Variants in ROBO2 observed in about 807,000 individuals in gnomAD.
ROBO2 encodes roundabout guidance receptor 2.
ROBO2 carries 53 observed loss-of-function variants against 160.8 expected under a neutral mutation model. The observed-to-expected ratio is 0.33, with a 90% CI of 0.26 to 0.41. The LOEUF (loss-of-function observed/expected upper bound fraction) is 0.41, where lower values mean the gene tolerates loss of function less well. Ranked by LOEUF, ROBO2 falls within the 10% of genes least tolerant of loss-of-function variation. The pLI is 1.00. For synonymous variants in ROBO2, 664 were observed against 611.7 expected (o/e 1.09, Z -1.26); for missense variants, 1,577 against 1,722.4 (o/e 0.92, Z 1.49).
intron 1 of ROBO2, among the ~76,000 whole-genome samples, chr3:77,075,672 C>CTTTTTTTTTTTT (rs1174587812): frequency 1.7e-4 from 15 of 87,258 alleles, no homozygotes; most frequent in African/African-American, 2.9e-4. Context: ...TTTCTTTCTC[C>CTTTTTTTTTTTT]TTTTTTTTTT....
chr3:77,589,221 A>AAC (rs3073102), intron 17 of ROBO2, among the ~76,000 whole-genome samples: 63 of 151,462 alleles, frequency 4.2e-4, no homozygotes, highest in South Asian at 1.5e-3. Flanking sequence ...CATAAACTCA[A>AAC]ACACACACAC....
intron 1 of ROBO2, among the ~76,000 whole-genome samples, chr3:77,063,733 A>G (rs1027077935): frequency 5.3e-5 from 8 of 152,188 alleles, no homozygotes; most frequent in East Asian, 1.9e-4. Flanking sequence ...GTTGAATTCA[A>G]TCGAGATGGC....
At chr3:76,508,197 C>A (rs1257589465) in intron 2 of ROBO2, among the ~76,000 whole-genome samples, 1 of 152,076 alleles carries the variant, frequency 6.6e-6, no homozygotes, top group Non-Finnish European at 1.5e-5. Context: ...TTTCTTAAAA[C>A]CTTTAACATG....
intron 2 of ROBO2, among the ~76,000 whole-genome samples, chr3:75,937,761 GA>G (rs1947851749): frequency 1.3e-5 from 2 of 149,788 alleles, no homozygotes; most frequent in African/African-American, 4.9e-5. Flanking sequence ...CAGTTAAATT[GA>G]AATAGAATTA....
intron 2 of ROBO2, among the ~76,000 whole-genome samples, chr3:76,454,990 T>C (rs1192323467): frequency 1.3e-5 from 2 of 152,116 alleles, no homozygotes; most frequent in African/African-American, 4.8e-5. Flanking sequence ...ATATTGCTGA[T>C]TGGTATAAAA....
chr3:76,221,263 G>A (rs187343878), intron 2 of ROBO2, among the ~76,000 whole-genome samples: 5 of 152,232 alleles, frequency 3.3e-5, no homozygotes, highest in Non-Finnish European at 7.4e-5. Context: ...ATGGTGAGTA[G>A]TGCCACTCTC....
At chr3:76,255,458 C>T (rs1315170171) in intron 2 of ROBO2, among the ~76,000 whole-genome samples, 3 of 152,134 alleles carry the variant, frequency 2.0e-5, no homozygotes, top group South Asian at 4.1e-4. Context: ...CCAAGAGCCT[C>T]TTGGGATGAG....
chr3:77,195,593 T>C (rs2082239884), intron 2 of ROBO2, among the ~76,000 whole-genome samples: 1 of 152,206 alleles, frequency 6.6e-6, no homozygotes, highest in African/African-American at 2.4e-5. Flanking sequence ...ACAGCAAACA[T>C]TTTAAATCTG....
At chr3:76,666,051 A>G (rs1036980976) in intron 2 of ROBO2, among the ~76,000 whole-genome samples, 6 of 145,058 alleles carry the variant, frequency 4.1e-5, no homozygotes, top group Non-Finnish European at 4.5e-5. Context: ...TACTAGATAT[A>G]TGCCTCTAAA....
intron 2 of ROBO2, among the ~76,000 whole-genome samples, chr3:76,345,688 A>G (rs2074491383): frequency 6.6e-6 from 1 of 151,940 alleles, no homozygotes; most frequent in African/African-American, 2.4e-5. Flanking sequence ...TCCTGATATT[A>G]AAACCCCAAA....
chr3:76,468,060 G>A (rs1398793127), intron 2 of ROBO2, among the ~76,000 whole-genome samples: 1 of 152,054 alleles, frequency 6.6e-6, no homozygotes, highest in East Asian at 1.9e-4. Flanking sequence ...AGCCCCTAAT[G>A]TGCCAAGTTC....
chr3:77,052,748 A>G (rs1232372076), intron 1 of ROBO2, among the ~76,000 whole-genome samples: 2 of 152,242 alleles, frequency 1.3e-5, no homozygotes, highest in African/African-American at 2.4e-5. Context: ...TGATGACATC[A>G]AACTAAGAAC....
rs762639441 is a variant in ROBO2 at position 76,567,807 on chromosome 3, A to AT, written c.110-530191dup. Among the ~76,000 whole-genome samples, 679 of 72,254 alleles carry AT rather than the reference A, an allele frequency of 9.4e-3. 6 individuals carry two copies. Among genetic ancestry groups the AT allele is most frequent in the African/African-American group, 0.022 (405 of 18,830 alleles). The allele number at this position is 72,254 out of a possible 152,430, so 47.4% of individuals were successfully genotyped here. On this transcript the variant is annotated intron_variant, in intron 2 of 26. Coordinates refer to the ROBO2 transcript ENST00000487694. Reference sequence around the variant, plus strand: ...TGTGTGTGTGTGTGTGTATATATATATTTTTTTTTTTTTTTTGGGGGGGGT... The same window carrying AT: ...TGTGTGTGTGTGTGTGTATATATATATTTTTTTTTTTTTTTTTGGGGGGGGT...
intron 2 of ROBO2, among the ~76,000 whole-genome samples, chr3:77,204,421 G>A (rs944090193): frequency 6.6e-6 from 1 of 152,016 alleles, no homozygotes; most frequent in Admixed American, 6.6e-5. Context: ...AAAGAATTAA[G>A]GTTCAGCTTT....
intron 2 of ROBO2, among the ~76,000 whole-genome samples, chr3:76,763,638 C>A (rs944482472): frequency 6.6e-6 from 1 of 151,664 alleles, no homozygotes; most frequent in Non-Finnish European, 1.5e-5. Flanking sequence ...TTCATAAAAA[C>A]CAACACAAAG....
chr3:76,857,616 G>C (rs544972102), intron 2 of ROBO2, among the ~76,000 whole-genome samples: 1 of 152,162 alleles, frequency 6.6e-6, no homozygotes, highest in South Asian at 2.1e-4. Flanking sequence ...CGTTTTTGCT[G>C]TGATGGTGAT....
At chr3:76,247,110 A>G (rs945757948) in intron 2 of ROBO2, among the ~76,000 whole-genome samples, 1 of 151,900 alleles carries the variant, frequency 6.6e-6, no homozygotes. Flanking sequence ...CATCGTTTCC[A>G]TACATCCATC....
At chr3:77,040,654 T>C (rs1339235575) in exon 1 of ROBO2, 6 of 1,563,884 alleles carry the variant, frequency 3.8e-6, no homozygotes, top group Non-Finnish European at 5.2e-6. Flanking sequence ...TGCGATTTGC[T>C]CTTCTTGACT....
intron 2 of ROBO2, among the ~76,000 whole-genome samples, chr3:77,235,858 C>A (rs2087896145): frequency 6.6e-6 from 1 of 152,178 alleles, no homozygotes; most frequent in African/African-American, 2.4e-5. Flanking sequence ...CATACATAGG[C>A]CCCCTCACTA....
Sources: allele counts gnomAD v4.1 joint callset (sites outside exome capture counted in the v4.1 genomes callset), GRCh38; gene constraint gnomAD v4.1.1; transcripts MANE v1.5; gene names NCBI Gene and HGNC (gene_info 2026-07-23, HGNC 2026-07-21).